EXOC4: variants seen among roughly 807,000 people sequenced by gnomAD.
EXOC4 encodes the protein exocyst complex component 4.
Under a neutral mutation model 107.2 loss-of-function variants are expected in EXOC4, and 71 were observed. That is an observed-to-expected ratio of 0.66 (90% confidence interval 0.55 to 0.81). EXOC4 has a LOEUF of 0.81. EXOC4 is among the 30% of genes least tolerant of loss of function. The pLI is 0.00. For synonymous variants in EXOC4, 456 were observed against 441.2 expected (o/e 1.03, Z -0.42); for missense variants, 1,108 against 1,189.6 (o/e 0.93, Z 1.01).
At chr7:133,664,106 G>A (rs1439054439) in intron 10 of EXOC4, among the ~76,000 whole-genome samples, 1 of 151,936 alleles carries the variant, frequency 6.6e-6, no homozygotes. Context: ...ATACCTTTAC[G>A]GCTTTTCTCA....
chr7:133,706,382 A>G (rs1794769220), intron 10 of EXOC4, among the ~76,000 whole-genome samples: 1 of 152,226 alleles, frequency 6.6e-6, no homozygotes, highest in Non-Finnish European at 1.5e-5. Context: ...CAAACATATT[A>G]GTATTTGTAC....
At chr7:133,260,230 C>CT (rs747140310) in intron 1 of EXOC4, among the ~76,000 whole-genome samples, 8 of 150,774 alleles carry the variant, frequency 5.3e-5, no homozygotes, top group Non-Finnish European at 1.0e-4. Context: ...TTGATTACTG[C>CT]TTTTTAAAGT....
chr7:133,635,353 A>G (rs1802683437), intron 10 of EXOC4, among the ~76,000 whole-genome samples: 1 of 151,980 alleles, frequency 6.6e-6, no homozygotes, highest in Non-Finnish European at 1.5e-5. Context: ...GTGAGAATTT[A>G]TTTTTCTCTT....
chr7:134,086,610 G>A, the EXOC4 span, among the ~76,000 whole-genome samples: 1 of 152,168 alleles, frequency 6.6e-6, no homozygotes, highest in Admixed American at 6.5e-5. Context: ...TCTCAAGGCA[G>A]TGGTTCTGGG....
chr7:133,729,307 A>T (rs964084019), intron 10 of EXOC4, among the ~76,000 whole-genome samples: 3 of 152,102 alleles, frequency 2.0e-5, no homozygotes, highest in Non-Finnish European at 2.9e-5. Context: ...GCCATTTTTT[A>T]AAAATGTTAT....
At chr7:133,720,347 T>C (rs1364307112) in intron 10 of EXOC4, among the ~76,000 whole-genome samples, 1 of 152,208 alleles carries the variant, frequency 6.6e-6, no homozygotes, top group African/African-American at 2.4e-5. Context: ...TTAAATCTGC[T>C]ATATGTGCAA....
chr7:133,676,609 G>A (rs1794062566), intron 10 of EXOC4, among the ~76,000 whole-genome samples: 2 of 152,158 alleles, frequency 1.3e-5, no homozygotes, highest in East Asian at 1.9e-4. Flanking sequence ...GGAAGGGAGG[G>A]TGTTATGTTT....
At position 133,346,539 on chromosome 7, in the gene EXOC4, A is replaced by G. The variant is rs543355158; in HGVS notation, c.764-9791A>G. On this transcript the variant is annotated intron_variant, in intron 5 of 17. Transcript: ENST00000253861. ...TGCCATTTTGATCAGAAGCACTCACATTATTTTTAAATGGTAACTTTCTTA... is the reference window on the plus strand; with the variant it reads ...TGCCATTTTGATCAGAAGCACTCACGTTATTTTTAAATGGTAACTTTCTTA... Among the ~76,000 whole-genome samples the G allele has an allele frequency of 1.5e-4, 23 of 152,312 alleles. No homozygotes were observed. In the South Asian group the frequency reaches 3.7e-3, roughly 25 times the overall value.
Position 134,007,683 on chromosome 7 carries a change from C to T in EXOC4, c.2535C>T (p.Gly845=). ...HKFQYIFEGL[G]HLISCILING... is the part of the protein sequence containing the mutation. Reference sequence around the variant, plus strand: ...ACTGTGCTGACCCCTCAGGCCTGGGCCACCTGATCTCCTGCATCCTCATTA... The same window carrying T: ...ACTGTGCTGACCCCTCAGGCCTGGGTCACCTGATCTCCTGCATCCTCATTA... The change falls in exon 17 of 18, where the codon GGC becomes GGT. Residue 845 remains glycine, a synonymous_variant. Transcript: ENST00000253861. 3 of 1,612,848 alleles carry T rather than the reference C, an allele frequency of 1.9e-6. No individual in the cohort carries two copies. Among genetic ancestry groups the T allele is most frequent in the Non-Finnish European group, 2.5e-6 (3 of 1,179,356 alleles).
intron 6 of EXOC4, among the ~76,000 whole-genome samples, chr7:133,368,164 T>C (rs1428538339): frequency 2.0e-5 from 3 of 152,262 alleles, no homozygotes; most frequent in Non-Finnish European, 4.4e-5. Flanking sequence ...CTACACTTTC[T>C]GGCCCAGGAG....
chr7:133,373,463 A>G (rs1235207762), intron 6 of EXOC4, among the ~76,000 whole-genome samples: 6 of 152,196 alleles, frequency 3.9e-5, no homozygotes, highest in African/African-American at 2.4e-5. Context: ...CTGAATTACA[A>G]TGTCAAATAG....
At chr7:133,985,788 A>G (rs961441084) in intron 14 of EXOC4, among the ~76,000 whole-genome samples, 5 of 152,176 alleles carry the variant, frequency 3.3e-5, no homozygotes, top group Middle Eastern at 3.2e-3. Flanking sequence ...ATATAAATAT[A>G]TTACCAATTA....
intron 7 of EXOC4, among the ~76,000 whole-genome samples, chr7:133,420,605 A>AGG (rs1797582642): frequency 6.6e-6 from 1 of 152,132 alleles, no homozygotes; most frequent in East Asian, 1.9e-4. Context: ...AAACACACAA[A>AGG]AGCGTGGACA....
chr7:133,904,738 A>T (rs578001114), intron 12 of EXOC4, among the ~76,000 whole-genome samples: 1 of 152,348 alleles, frequency 6.6e-6, no homozygotes, highest in African/African-American at 2.4e-5. Context: ...TCTGGTTGTT[A>T]TACAACAATG....
chr7:134,020,121 C>T (rs1444964271), intron 17 of EXOC4, among the ~76,000 whole-genome samples: 3 of 152,212 alleles, frequency 2.0e-5, no homozygotes, highest in Non-Finnish European at 4.4e-5. Flanking sequence ...AATCCAAATG[C>T]ATACACCTGT....
intron 17 of EXOC4, among the ~76,000 whole-genome samples, chr7:134,053,595 T>C (rs890231007): frequency 6.7e-6 from 1 of 149,984 alleles, no homozygotes; most frequent in African/African-American, 2.4e-5. Flanking sequence ...ATTTTAAATA[T>C]ATTTTGGAAA....
At chr7:133,305,451 A>G (rs2150567436) in intron 3 of EXOC4, among the ~76,000 whole-genome samples, 1 of 152,316 alleles carries the variant, frequency 6.6e-6, no homozygotes, top group African/African-American at 2.4e-5. Flanking sequence ...TGCTGTGAGA[A>G]CAAGTTCTTT....
At chr7:133,798,986 C>G (rs1034705064) in intron 10 of EXOC4, among the ~76,000 whole-genome samples, 21 of 151,996 alleles carry the variant, frequency 1.4e-4, no homozygotes, top group African/African-American at 4.6e-4. Flanking sequence ...AAGGCTGAAG[C>G]TGCGATTTTG....
chr7:133,843,605 C>A (rs966887287), intron 11 of EXOC4, among the ~76,000 whole-genome samples: 4 of 152,160 alleles, frequency 2.6e-5, no homozygotes, highest in Non-Finnish European at 4.4e-5. Flanking sequence ...ATCATAACAT[C>A]TGAAAACAGG....
Sources: allele counts gnomAD v4.1 joint callset (sites outside exome capture counted in the v4.1 genomes callset), GRCh38; gene constraint gnomAD v4.1.1; transcripts MANE v1.5; gene names NCBI Gene and HGNC (gene_info 2026-07-23, HGNC 2026-07-21).